Variants in ASAP3 observed in about 807,000 individuals in gnomAD.
The protein encoded by ASAP3 is ArfGAP with SH3 domain, ankyrin repeat and PH domain 3, also known as arf-GAP with SH3 domain, ANK repeat and PH domain-containing protein 3.
ASAP3 carries 85 observed loss-of-function variants against 118.2 expected under a neutral mutation model. That is an observed-to-expected ratio of 0.72 (90% CI 0.60 to 0.86). The LOEUF (loss-of-function observed/expected upper bound fraction) is 0.86, where lower values mean the gene tolerates loss of function less well. ASAP3 is among the 40% of genes least tolerant of loss of function. The pLI is 0.00. For missense variants in ASAP3, 1,026 were observed against 1,175.0 expected (o/e 0.87, Z 1.85); for synonymous variants, 432 against 477.4 (o/e 0.90, Z 1.24).
At chr1:23,477,780 C>T (rs1275527685) in intron 1 of ASAP3, among the ~76,000 whole-genome samples, 2 of 152,192 alleles carry the variant, frequency 1.3e-5, no homozygotes, top group African/African-American at 2.4e-5. Context: ...GTGGCACCAT[C>T]GGAGTTCACT....
Position 23,455,909 on chromosome 1 carries a change from C to G in ASAP3, c.320G>C (p.Arg107Pro). Residue 107 changes from arginine to proline, a missense_variant, in exon 3 of 25, where the codon CGC (arginine) becomes CCC (proline). Coordinates refer to ENST00000336689, the MANE Select transcript of ASAP3 (RefSeq NM_017707.4). ...TGFLNLAVFT[R>P]EVAALFKNLI... ...GTTCTTGAAGAGCGCAGCAACCTCGCGGGTGAACACGGCCAAGTTTAGGAA... is the reference window on the plus strand; with the variant it reads ...GTTCTTGAAGAGCGCAGCAACCTCGGGGGTGAACACGGCCAAGTTTAGGAA... The G allele has an allele frequency of 6.2e-7, 1 of 1,614,114 alleles. No homozygotes were observed. Among genetic ancestry groups the G allele is most frequent in the Non-Finnish European group, 8.5e-7 (1 of 1,180,016 alleles).
At chr1:23,439,581 C>T (rs2148614231) in intron 10 of ASAP3, among the ~76,000 whole-genome samples, 1 of 152,300 alleles carries the variant, frequency 6.6e-6, no homozygotes, top group South Asian at 2.1e-4. Context: ...CTGAGAGGCA[C>T]AGGCTCTTGA....
chr1:23,473,609 G>C (rs531121004), intron 1 of ASAP3, among the ~76,000 whole-genome samples: 1 of 152,284 alleles, frequency 6.6e-6, no homozygotes, highest in East Asian at 1.9e-4. Context: ...TAAAGTTACA[G>C]TTTCTGCCTC....
At chr1:23,460,506 C>CAAAAAA (rs71023213) in intron 1 of ASAP3, among the ~76,000 whole-genome samples, 5 of 84,776 alleles carry the variant, frequency 5.9e-5, no homozygotes, top group African/African-American at 9.7e-5. Flanking sequence ...GACTCCATCT[C>CAAAAAA]AAAAAAAAAA....
chr1:23,466,638 C>A (rs1301896176), intron 1 of ASAP3, among the ~76,000 whole-genome samples: 3 of 152,222 alleles, frequency 2.0e-5, no homozygotes, highest in Non-Finnish European at 2.9e-5. Context: ...CTTCTGCATG[C>A]CCCCTTCTGG....
At chr1:23,451,158 T>C (rs1641202621) in intron 5 of ASAP3, among the ~76,000 whole-genome samples, 1 of 152,196 alleles carries the variant, frequency 6.6e-6, no homozygotes, top group Admixed American at 6.5e-5. Context: ...ACAGGGTGAC[T>C]GTGAAGATTA....
chr1:23,456,800 G>A (rs1641402349), intron 1 of ASAP3, among the ~76,000 whole-genome samples: 1 of 152,224 alleles, frequency 6.6e-6, no homozygotes, highest in Non-Finnish European at 1.5e-5. Flanking sequence ...GGTGAGCAGA[G>A]AGGGGTTGGA....
rs757770109 is a variant in ASAP3, at chr1:23,433,141, C to T, written c.2259G>A (p.Pro753=). 9 of 1,614,006 alleles carry T rather than the reference C, an allele frequency of 5.6e-6. No homozygotes were observed. The highest frequency in any genetic ancestry group is 3.3e-4 in the Middle Eastern group (2 of 6,084). Residue 753 remains proline (P), a synonymous_variant, in exon 22 of 25, where the codon CCG becomes CCA. Transcript: ENST00000336689. ...GAGAAGAGTTTTTGACTGGCAAGGGCGGGGGACAGTCCTCACTCTCGCCCT... is the reference window on the plus strand; with the variant it reads ...GAGAAGAGTTTTTGACTGGCAAGGGTGGGGGACAGTCCTCACTCTCGCCCT... The part of the protein sequence containing the change: ...TPQGESEDCP[P]PLPVKNSSRT...
chr1:23,442,074 T>G, intron 7 of ASAP3, 112 bp downstream of exon 7: 1 of 1,165,478 alleles, frequency 8.6e-7, no homozygotes, highest in East Asian at 2.6e-5. Flanking sequence ...ATGAAAGTTC[T>G]GCCAAAAAGA....
chr1:23,479,614 T>C (rs1462711972), intron 1 of ASAP3, among the ~76,000 whole-genome samples: 6 of 152,280 alleles, frequency 3.9e-5, no homozygotes, highest in Admixed American at 2.6e-4. Context: ...GGAAATCCTT[T>C]CTAAAACAAG....
chr1:23,437,050 G>C lies in ASAP3; in HGVS notation c.1343-6C>G, dbSNP rs550498355. On this transcript the variant is annotated splice_region_variant and splice_polypyrimidine_tract_variant and intron_variant, in intron 14 of 24. Coordinates refer to ENST00000336689, the MANE Select transcript of ASAP3 (RefSeq NM_017707.4). This position sits in a 1 kb window ranked among gnomAD's most constrained non-coding sequence, Gnocchi z 6.1. Reference sequence around the variant, plus strand: ...GGTGCTGAGCCACGTGGGGTCTGCAGAGGAAAGCAGCTGGAGCCTGGAGGT... The same window carrying C: ...GGTGCTGAGCCACGTGGGGTCTGCACAGGAAAGCAGCTGGAGCCTGGAGGT... The C allele has an allele frequency of 6.2e-7, 1 of 1,609,292 alleles. No individual in the cohort carries two copies. Among genetic ancestry groups the C allele is most frequent in the African/African-American group, 1.3e-5 (1 of 74,872 alleles).
chr1:23,436,494 G>T lies in ASAP3; in HGVS notation c.1571+66C>A. On this transcript the variant is annotated intron_variant, in intron 16 of 24. Coordinates refer to ENST00000336689, the MANE Select transcript of ASAP3 (RefSeq NM_017707.4). This position sits in a 1 kb window ranked among gnomAD's most constrained non-coding sequence, Gnocchi z 4.2. The stretch of plus-strand genomic sequence containing the variant: ...GACTTCTGATCCAAGACTTTTCTAC[G>T]ACCCTGGACACTGCGGAGGCAGAAT... 1.3e-6 allele frequency: 2 copies of T among 1,557,810 alleles called. No individual in the cohort carries two copies. Among genetic ancestry groups the T allele is most frequent in the South Asian group, 2.2e-5 (2 of 89,598 alleles).
upstream of ASAP3, chr1:23,484,250 C>A (rs1287222041): frequency 5.4e-5 from 54 of 1,004,268 alleles, no homozygotes; most frequent in Non-Finnish European, 6.5e-5. Flanking sequence ...CGCCCCGCCC[C>A]TCCGCACGCC....
At chr1:23,449,251 T>C (rs1056768740) in intron 5 of ASAP3, among the ~76,000 whole-genome samples, 1 of 152,212 alleles carries the variant, frequency 6.6e-6, no homozygotes, top group East Asian at 1.9e-4. Context: ...CTTGCTGAAC[T>C]GAAGTGCTGA....
intron 1 of ASAP3, among the ~76,000 whole-genome samples, chr1:23,460,207 C>A (rs750448100): frequency 3.9e-5 from 6 of 151,946 alleles, no homozygotes; most frequent in Non-Finnish European, 7.4e-5. Flanking sequence ...CTGACAACAC[C>A]AAATACTGGC....
chr1:23,463,825 C>T (rs1170681160), intron 1 of ASAP3, among the ~76,000 whole-genome samples: 1 of 152,064 alleles, frequency 6.6e-6, no homozygotes, highest in Non-Finnish European at 1.5e-5. Context: ...GTCTCAAACT[C>T]CTGACCTCGT....
At chr1:23,449,205 G>T (rs1202961143) in intron 5 of ASAP3, among the ~76,000 whole-genome samples, 1 of 152,156 alleles carries the variant, frequency 6.6e-6, no homozygotes, top group Non-Finnish European at 1.5e-5. Flanking sequence ...TGTTATTCTG[G>T]TCCTAGTTCT....
At chr1:23,470,461 C>T (rs1391428385) in intron 1 of ASAP3, among the ~76,000 whole-genome samples, 5 of 152,212 alleles carry the variant, frequency 3.3e-5, no homozygotes, top group South Asian at 2.1e-4. Flanking sequence ...ACAGCCCCTA[C>T]GGTGGCTACA....
chr1:23,480,105 T>C (rs1642262202), intron 1 of ASAP3: 1 of 152,212 alleles, frequency 6.6e-6, no homozygotes, highest in Non-Finnish European at 1.5e-5. Context: ...GAGGCTGTGG[T>C]GAGCCATGAT....
Sources: allele counts gnomAD v4.1 joint callset (sites outside exome capture counted in the v4.1 genomes callset), GRCh38; gene constraint gnomAD v4.1.1; non-coding constraint Gnocchi (gnomAD v3.1); transcripts MANE v1.5; gene names NCBI Gene and HGNC (gene_info 2026-07-23, HGNC 2026-07-21).